CNTN4: variants seen among roughly 807,000 people sequenced by gnomAD.
CNTN4 encodes contactin 4.
CNTN4 carries 77 observed loss-of-function variants against 122.5 expected under a neutral mutation model. The ratio of observed to expected loss-of-function variants is 0.63; its 90% CI spans 0.52 to 0.76. The LOEUF (loss-of-function observed/expected upper bound fraction) is 0.76, where lower values mean the gene tolerates loss of function less well. Ranked by LOEUF, CNTN4 falls within the 30% of genes least tolerant of loss-of-function variation. The pLI is 0.00. For missense variants in CNTN4, 1,256 were observed against 1,259.1 expected (o/e 1.00, Z 0.04); for synonymous variants, 512 against 447.0 (o/e 1.15, Z -1.83).
intron 2 of CNTN4, among the ~76,000 whole-genome samples, chr3:2,120,382 T>TATATATATATATATATATATATAA (rs2033663549): frequency 3.7e-5 from 1 of 27,350 alleles, no homozygotes; most frequent in African/African-American, 1.0e-4. Flanking sequence ...TAAATATATA[T>TATATATATATATATATATATATAA]ATATATATAT....
chr3:2,343,631 T>G (rs1476756637), intron 3 of CNTN4, among the ~76,000 whole-genome samples: 1 of 152,226 alleles, frequency 6.6e-6, no homozygotes, highest in African/African-American at 2.4e-5. Context: ...GAGTACACTT[T>G]CATTTCAATA....
At chr3:2,855,656 C>G (rs1406344745) in intron 7 of CNTN4, among the ~76,000 whole-genome samples, 1 of 152,202 alleles carries the variant, frequency 6.6e-6, no homozygotes, top group Non-Finnish European at 1.5e-5. Context: ...GTGATCTGAC[C>G]TGTGTCCAGG....
intron 13 of CNTN4, among the ~76,000 whole-genome samples, chr3:2,969,396 G>A (rs528086560): frequency 1.6e-3 from 240 of 152,254 alleles, no homozygotes; most frequent in Non-Finnish European, 2.6e-3. Context: ...AGTGTGTGAT[G>A]CTCTATCTTT....
intron 3 of CNTN4, among the ~76,000 whole-genome samples, chr3:2,401,043 C>T (rs1017066754): frequency 6.6e-6 from 1 of 152,006 alleles, no homozygotes; most frequent in Non-Finnish European, 1.5e-5. Context: ...TGATTTCCAC[C>T]TTTCAGGTAT....
At chr3:3,016,089 T>C (rs868158556) in intron 14 of CNTN4, among the ~76,000 whole-genome samples, 1 of 152,164 alleles carries the variant, frequency 6.6e-6, no homozygotes, top group Non-Finnish European at 1.5e-5. Flanking sequence ...TGTTTCTCCG[T>C]GGGTAAAAGA....
intron 6 of CNTN4, among the ~76,000 whole-genome samples, chr3:2,763,034 C>T (rs1414552780): frequency 1.0e-4 from 15 of 150,168 alleles, no homozygotes; most frequent in African/African-American, 2.9e-4. Flanking sequence ...CTCCGCCTCC[C>T]GGGTTCATGC....
At chr3:2,415,592 AG>A (rs1352748633) in intron 3 of CNTN4, among the ~76,000 whole-genome samples, 1 of 152,236 alleles carries the variant, frequency 6.6e-6, no homozygotes, top group African/African-American at 2.4e-5. Flanking sequence ...GGTGTAAGAC[AG>A]AAAGTACGTT....
At chr3:2,506,677 C>T (rs2076739065) in intron 3 of CNTN4, among the ~76,000 whole-genome samples, 1 of 152,124 alleles carries the variant, frequency 6.6e-6, no homozygotes, top group Non-Finnish European at 1.5e-5. Context: ...AGATCAGAAT[C>T]CTGATAGAGG....
intron 2 of CNTN4, among the ~76,000 whole-genome samples, chr3:2,150,841 C>T (rs1238707098): frequency 1.3e-5 from 2 of 152,038 alleles, no homozygotes; most frequent in African/African-American, 2.4e-5. Context: ...TAAAGCTTGC[C>T]CTCCCTTCAA....
chr3:3,048,044 T>G (rs1257190205), intron 23 of CNTN4, among the ~76,000 whole-genome samples: 1 of 152,154 alleles, frequency 6.6e-6, no homozygotes, highest in Non-Finnish European at 1.5e-5. Context: ...CTCCCCCTTC[T>G]TTTTAGGAGT....
intron 12 of CNTN4, among the ~76,000 whole-genome samples, chr3:2,919,648 C>G (rs2151311722): frequency 6.6e-6 from 1 of 152,202 alleles, no homozygotes; most frequent in East Asian, 1.9e-4. Flanking sequence ...CCTGCATAAC[C>G]AAGGACTTGA....
intron 3 of CNTN4, among the ~76,000 whole-genome samples, chr3:2,487,255 C>G (rs531388710): frequency 1.3e-5 from 2 of 152,134 alleles, no homozygotes; most frequent in South Asian, 2.1e-4. Context: ...CTTTTCTCTG[C>G]TTATGTATAA....
chr3:2,676,689 G>C (rs1269484921), intron 4 of CNTN4, among the ~76,000 whole-genome samples: 4 of 152,204 alleles, frequency 2.6e-5, no homozygotes, highest in African/African-American at 9.6e-5. Flanking sequence ...AATTTTTTCA[G>C]TGTTGTTTTT....
chr3:2,486,597 A>T (rs531246619), intron 3 of CNTN4, among the ~76,000 whole-genome samples: 47 of 152,310 alleles, frequency 3.1e-4, no homozygotes, highest in Middle Eastern at 3.4e-3. Flanking sequence ...ATACATTTTT[A>T]AAAAAATTAT....
In CNTN4 at chr3:2,763,028, G is replaced by A. The variant is rs187234634; in HGVS notation, c.358+17331G>A. Among the ~76,000 whole-genome samples the A allele has an allele frequency of 1.8e-3, 260 of 141,492 alleles. 3 individuals carry two copies. The highest frequency in any genetic ancestry group is 6.2e-3 in the African/African-American group (237 of 38,170). 92.8% of individuals were successfully genotyped at this position (141,492 alleles called of 152,430 possible). On this transcript the variant is annotated intron_variant, in intron 6 of 24. Transcript: ENST00000418658. ...TCGATCTCAGCTCTCCACAAGCTCC[G>A]CCTCCCGGGTTCATGCCATTCTCCC...
chr3:2,565,747 G>A (rs1175301173), intron 3 of CNTN4, among the ~76,000 whole-genome samples: 1 of 152,086 alleles, frequency 6.6e-6, no homozygotes, highest in African/African-American at 2.4e-5. Context: ...TTGGCATATT[G>A]CTTTCTGAGG....
intron 4 of CNTN4, among the ~76,000 whole-genome samples, chr3:2,613,567 T>C (rs1268808770): frequency 6.6e-6 from 1 of 152,228 alleles, no homozygotes. Context: ...TAAGATGGTA[T>C]ACATAAGACC....
At chr3:2,551,608 G>T (rs1410466086) in intron 3 of CNTN4, among the ~76,000 whole-genome samples, 1 of 152,050 alleles carries the variant, frequency 6.6e-6, no homozygotes, top group Non-Finnish European at 1.5e-5. Flanking sequence ...AATGATTTTT[G>T]AAAATAATAA....
intron 2 of CNTN4, among the ~76,000 whole-genome samples, chr3:2,330,094 G>T (rs1378349487): frequency 1.3e-5 from 2 of 152,156 alleles, no homozygotes; most frequent in Non-Finnish European, 2.9e-5. Context: ...ATAAATTAGA[G>T]ATTCCCATGA....
Sources: allele counts gnomAD v4.1 joint callset (sites outside exome capture counted in the v4.1 genomes callset), GRCh38; gene constraint gnomAD v4.1.1; transcripts MANE v1.5; gene names NCBI Gene and HGNC (gene_info 2026-07-23, HGNC 2026-07-21).